The following ALG3 variants were observed in gnomAD, a reference collection of about 807,000 sequenced individuals.
ALG3 encodes ALG3 alpha-1,3- mannosyltransferase, also known as dol-P-Man:Man(5)GlcNAc(2)-PP-Dol alpha-1,3-mannosyltransferase.
ALG3 carries 39 observed loss-of-function variants against 50.5 expected under a neutral mutation model. The observed-to-expected ratio is 0.77, with a 90% CI of 0.60 to 1.01. The LOEUF is 1.01. Ranked by LOEUF, ALG3 falls within the 50% of genes least tolerant of loss-of-function variation. ALG3 has a pLI of 0.00. For synonymous variants in ALG3, 252 were observed against 237.2 expected, an observed-to-expected ratio of 1.06 and a Z score of -0.58; for missense variants, 520 against 554.8, an observed-to-expected ratio of 0.94 and a Z score of 0.63.
chr3:184,246,051 G>A (rs969326632), intron 1 of ALG3, among the ~76,000 whole-genome samples: 6 of 152,048 alleles, frequency 3.9e-5, no homozygotes, highest in African/African-American at 7.2e-5. Flanking sequence ...CCTGGGTTCC[G>A]CAAATGGCAC....
intron 1 of ALG3, among the ~76,000 whole-genome samples, chr3:184,247,486 C>G (rs1349970956): frequency 6.6e-6 from 1 of 151,946 alleles, no homozygotes; most frequent in Non-Finnish European, 1.5e-5. Context: ...TTAGTAGAGA[C>G]AGGATTTCAT....
At position 184,244,186 on chromosome 3, in the gene ALG3, G is replaced by C. The variant is rs1480864284; in HGVS notation, c.727-190C>G. On this transcript the variant is annotated intron_variant, in intron 5 of 8. Coordinates refer to ENST00000397676, the MANE Select transcript of ALG3 (RefSeq NM_005787.6). ...CAGTGCCTGGGGCCAAAGAAGCTCA[G>C]GAGGCAGGTCATAACAATGCTTTAA... 4.9e-6 allele frequency: 3 copies of C among 614,568 alleles called. No individual in the cohort carries two copies. The African/African-American group carries it at 5.5e-5, about 11-fold the overall frequency. 38.1% of individuals were successfully genotyped at this position (614,568 alleles called of 1,614,324 possible).
chr3:184,242,605 A>G lies in ALG3; in HGVS notation c.1226T>C (p.Leu409Pro), dbSNP rs750193799. 1 of 1,591,082 alleles carries G rather than the reference A, an allele frequency of 6.3e-7. No individual in the cohort carries two copies. The highest frequency in any genetic ancestry group is 1.3e-5 in the African/African-American group (1 of 74,524). ...CAGGATGACGGCATGGCATATGTGC[A>G]GGGCAGCAGAGCTGCAGGATGTGGA... is the stretch of plus-strand genomic sequence containing the variant. ...YPSTSCSSAALHICHAVILLQ... is the reference protein window; with the variant it reads ...YPSTSCSSAAPHICHAVILLQ... The change falls in exon 9 of 9, where the codon CTG becomes CCG. Residue 409 changes from leucine (L) to proline (P), a missense_variant. Coordinates refer to ENST00000397676, the MANE Select transcript of ALG3 (RefSeq NM_005787.6).
chr3:184,245,291 C>A lies in ALG3; in HGVS notation c.512G>T (p.Arg171Leu), dbSNP rs119103236. Residue 171 changes from arginine to leucine, a missense_variant, in exon 4 of 9, where the codon CGG becomes CTG. By Grantham distance (102) the Arg-to-Leu change is moderately radical (BLOSUM62 -2). Coordinates refer to ENST00000397676, the MANE Select transcript of ALG3 (RefSeq NM_005787.6). The part of the protein sequence containing the change: ...SYRVHSIFVL[R>L]LFNDPVAMVL... ...CATGGCCACTGGGTCATTGAAGAGC[C>A]GCAGCACAAAGATGGAGTGGACACG... 1.2e-6 allele frequency: 2 copies of A among 1,613,544 alleles called. No individual in the cohort carries two copies. The highest frequency in any genetic ancestry group is 4.5e-5 in the East Asian group (2 of 44,872).
upstream of ALG3, chr3:184,249,099 T>A (rs1397491826): frequency 6.8e-7 from 1 of 1,461,698 alleles, no homozygotes; most frequent in South Asian, 1.2e-5. Flanking sequence ...TCTGCATTTG[T>A]CTCCTCTGAT....
chr3:184,249,312 C>T (rs778573517), upstream of ALG3: 21 of 1,597,684 alleles, frequency 1.3e-5, no homozygotes, highest in Non-Finnish European at 1.7e-5. Context: ...AGGGCAAAGC[C>T]CCTGTTCGCG....
At chr3:184,246,074 A>G (rs551274920) in intron 1 of ALG3, among the ~76,000 whole-genome samples, 55 of 152,286 alleles carry the variant, frequency 3.6e-4, no homozygotes, top group African/African-American at 1.2e-3. Context: ...CCGACCTCTT[A>G]GCTACCAGGT....
chr3:184,243,738 G>A, intron 6 of ALG3, 53 bp downstream of exon 6: 3 of 1,593,892 alleles, frequency 1.9e-6, no homozygotes, highest in East Asian at 4.5e-5. Context: ...CTAAGGCTTA[G>A]GCCCTTCACT....
At position 184,242,884 on chromosome 3, in the gene ALG3, G is replaced by A. The variant is rs374164530; in HGVS notation, c.1083C>T (p.Tyr361=). Residue 361 remains tyrosine, a synonymous_variant, in exon 8 of 9, where the codon TAC becomes TAT. Transcript: ENST00000397676. The part of the protein sequence containing the change: ...CFSRSLHYQF[Y]VWYFHTLPYL... The stretch of plus-strand genomic sequence containing the variant: ...AGGGCAGTGTGTGGAAATACCAGAC[G>A]TAGAACTGGTAGTGGAGGGAGCGGC... The A allele has an allele frequency of 9.9e-6, 16 of 1,613,712 alleles. No homozygotes were observed. The African/African-American group carries it at 1.6e-4, about 16-fold the overall frequency.
Position 184,245,280 on chromosome 3 carries a change from C to T in ALG3, c.523G>A (p.Asp175Asn), listed in dbSNP as rs956136537. Residue 175 changes from aspartate (D) to asparagine (N), a missense_variant, in exon 4 of 9, where the codon GAC (aspartate) becomes AAC (asparagine). This residue lies in a region of ALG3 where 290 missense variants were observed against 265.9 expected (regional missense o/e 1.09). Transcript: ENST00000397676. The part of the protein sequence containing the change: ...HSIFVLRLFN[D>N]PVAMVLLFLS... ...AAGAGCAGCACCATGGCCACTGGGT[C>T]ATTGAAGAGCCGCAGCACAAAGATG... 5.0e-6 allele frequency: 8 copies of T among 1,613,524 alleles called. No homozygotes were observed. Among genetic ancestry groups the T allele is most frequent in the South Asian group, 1.1e-5 (1 of 91,012 alleles).
chr3:184,242,326 A>G lies in ALG3; in HGVS notation c.*188T>C. 1.2e-6 allele frequency: 1 copy of G among 824,576 alleles called. No homozygotes were observed. Among genetic ancestry groups the G allele is most frequent in the Non-Finnish European group, 2.0e-6 (1 of 496,516 alleles). The allele number at this position is 824,576 out of a possible 1,614,324, so 51.1% of individuals were successfully genotyped here. On this transcript the variant is annotated 3_prime_UTR_variant, in exon 9 of 9. Transcript: ENST00000397676. ...AATCCTATGCAATAAAGTGCCTCTTAGGACTGCTTGAGTGAATTCTTTATC... is the reference window on the plus strand; with the variant it reads ...AATCCTATGCAATAAAGTGCCTCTTGGGACTGCTTGAGTGAATTCTTTATC...
rs1324847082 is a variant in ALG3 at position 184,244,586 on chromosome 3, G to A, written c.726+15C>T. 1.2e-6 allele frequency: 2 copies of A among 1,605,358 alleles called. No homozygotes were observed. The highest frequency in any genetic ancestry group is 1.7e-6 in the Non-Finnish European group (2 of 1,176,134). Reference sequence around the variant, plus strand: ...TTCTCCTTGATTAGAAAGAGGAAGGGTGAGATGGGGGTACCTGAAGGCCAG... The same window carrying A: ...TTCTCCTTGATTAGAAAGAGGAAGGATGAGATGGGGGTACCTGAAGGCCAG... On this transcript the variant is annotated intron_variant, in intron 5 of 8. Coordinates refer to ENST00000397676, the MANE Select transcript of ALG3 (RefSeq NM_005787.6).
intron 1 of ALG3, among the ~76,000 whole-genome samples, chr3:184,246,505 C>A (rs138425218): frequency 6.6e-6 from 1 of 152,150 alleles, no homozygotes; most frequent in South Asian, 2.1e-4. Context: ...GGGATTGAAG[C>A]TTGCAGGGTC....
chr3:184,246,677 CTTCT>C lies in ALG3; in HGVS notation c.197-869_197-866del, dbSNP rs1373102158. 3.1e-4 allele frequency among the ~76,000 whole-genome samples: 45 copies of C among 147,192 alleles called. 1 individual carries two copies. The East Asian group carries it at 4.9e-3, about 16-fold the overall frequency. Reference sequence around the variant, plus strand: ...CAGTTCCTCAAAGGAACCAGGCTGTCTTCTTTTTTTTTTTTTTTTGACAGAGTCT... The same window carrying C: ...CAGTTCCTCAAAGGAACCAGGCTGTCTTTTTTTTTTTTTTTGACAGAGTCT... On this transcript the variant is annotated intron_variant, in intron 1 of 8. Coordinates refer to ENST00000397676, the MANE Select transcript of ALG3 (RefSeq NM_005787.6).
intron 4 of ALG3, 120 bp downstream of exon 4, chr3:184,245,078 T>C: frequency 7.5e-7 from 1 of 1,329,092 alleles, no homozygotes; most frequent in Non-Finnish European, 1.1e-6. Context: ...GGACTCGCTT[T>C]GTGGAGCCCT....
chr3:184,247,088 G>A (rs1051487865), intron 1 of ALG3, among the ~76,000 whole-genome samples: 5 of 151,144 alleles, frequency 3.3e-5, no homozygotes, highest in African/African-American at 1.2e-4. Context: ...TATTTTAGTA[G>A]AGACAGGGTG....
chr3:184,245,615 C>A lies in ALG3; in HGVS notation c.297G>T (p.Val99=), dbSNP rs1330024946. The A allele has an allele frequency of 1.1e-5, 18 of 1,612,608 alleles. No individual in the cohort carries two copies. Among genetic ancestry groups the A allele is most frequent in the Non-Finnish European group, 1.4e-5 (17 of 1,179,252 alleles). ...AGATGTACACGAAACCAGCTGGGTA[C>A]CTGGAAGATGAGAGAAAATGTGAGC... The part of the protein sequence containing the change: ...TQLQGDTGPL[V]YPAGFVYIFM... Residue 99 remains valine (V), a splice_region_variant and synonymous_variant, in exon 3 of 9, where the codon GTG becomes GTT. Coordinates refer to ENST00000397676, the MANE Select transcript of ALG3 (RefSeq NM_005787.6).
At position 184,242,693 on chromosome 3, in the gene ALG3, G is replaced by A. The variant is rs1438171060; in HGVS notation, c.1155-17C>T. On this transcript the variant is annotated splice_polypyrimidine_tract_variant and intron_variant, in intron 8 of 8. Coordinates refer to ENST00000397676, the MANE Select transcript of ALG3 (RefSeq NM_005787.6). The stretch of plus-strand genomic sequence containing the variant: ...ACCAACAACCTGGAGATGAGAAACA[G>A]GTTCCACGTTTCATCCAGTTGCAAG... The A allele has an allele frequency of 6.4e-7, 1 of 1,562,888 alleles. No individual in the cohort carries two copies. Among genetic ancestry groups the A allele is most frequent in the Non-Finnish European group, 8.7e-7 (1 of 1,151,732 alleles).
In ALG3 at chr3:184,248,764, C is replaced by T. The variant is rs753860467; in HGVS notation, c.177G>A (p.Trp59Ter). ...ACTCACATGCCACCCTGTGAATGACCCAGAAGGTGATGCCCACCTCCGCCA... is the reference window on the plus strand; with the variant it reads ...ACTCACATGCCACCCTGTGAATGACTCAGAAGGTGATGCCCACCTCCGCCA... Reference protein sequence around the residue: ...LCLAEVGITFWVIHRVAYTEI... With the variant: ...LCLAEVGITF Residue 59 changes from tryptophan (W) to a stop codon, truncating the protein, a stop_gained, in exon 1 of 9, where the codon TGG (tryptophan) becomes TGA (stop). Coordinates refer to ENST00000397676, the MANE Select transcript of ALG3 (RefSeq NM_005787.6). LOFTEE classifies it high-confidence loss of function. 1 of 1,594,712 alleles carries T rather than the reference C, an allele frequency of 6.3e-7. No individual in the cohort carries two copies. Among genetic ancestry groups the T allele is most frequent in the East Asian group, 2.2e-5 (1 of 44,450 alleles).
Sources: allele counts gnomAD v4.1 joint callset (sites outside exome capture counted in the v4.1 genomes callset), GRCh38; gene constraint gnomAD v4.1.1; regional missense constraint gnomAD v4.1.1; transcripts MANE v1.5; gene names NCBI Gene and HGNC (gene_info 2026-07-23, HGNC 2026-07-21).